Variants in EEA1 observed in about 807,000 individuals in gnomAD.
EEA1 encodes early endosome antigen 1, also known as early endosome antigen 1, 162kD.
In EEA1, 111 loss-of-function variants were observed where a neutral mutation model predicts 209.2. That is an observed-to-expected ratio of 0.53 (90% CI 0.45 to 0.62). The LOEUF is 0.62. Among genes scored for constraint, EEA1 ranks in the 20% least tolerant of loss-of-function variants. The pLI is 0.00. For synonymous variants in EEA1, 536 were observed against 540.6 expected (o/e 0.99, Z 0.12); for missense variants, 1,343 against 1,530.8 (o/e 0.88, Z 2.05).
chr12:92,865,827 A>G (rs1242675076), intron 2 of EEA1, among the ~76,000 whole-genome samples: 4 of 151,100 alleles, frequency 2.6e-5, no homozygotes, highest in Admixed American at 2.6e-4. Context: ...CTCACTGCAA[A>G]CCTCCACCTC....
chr12:92,777,949 T>C lies in EEA1; in HGVS notation c.3885A>G (p.Leu1295=), dbSNP rs199618536. Residue 1295 remains leucine (L), a synonymous_variant, in exon 26 of 29, where the codon CTA becomes CTG. Coordinates refer to ENST00000322349, the MANE Select transcript of EEA1 (RefSeq NM_003566.4). Reference sequence around the variant, plus strand: ...TACTAGATATCAATCACCTTTCCAGTAGTGCTCTCCTTTCATCTTGATTAT... The same window carrying C: ...TACTAGATATCAATCACCTTTCCAGCAGTGCTCTCCTTTCATCTTGATTAT... ...VQNNQDERRA[L]LERCLKGEGE... 1 of 1,611,938 alleles carries C rather than the reference T, an allele frequency of 6.2e-7. No individual in the cohort carries two copies. Among genetic ancestry groups the C allele is most frequent in the Non-Finnish European group, 8.5e-7 (1 of 1,178,348 alleles).
At chr12:92,820,457 T>A (rs1721238152) in intron 13 of EEA1, among the ~76,000 whole-genome samples, 1 of 152,104 alleles carries the variant, frequency 6.6e-6, no homozygotes, top group Admixed American at 6.6e-5. Flanking sequence ...CCTCTCTGCC[T>A]CTCAGTCTCT....
intron 2 of EEA1, among the ~76,000 whole-genome samples, chr12:92,873,812 T>G (rs912550216): frequency 5.3e-5 from 8 of 152,210 alleles, no homozygotes; most frequent in African/African-American, 1.9e-4. Context: ...TGCAATGCAT[T>G]TATCATTGTA....
intron 2 of EEA1, among the ~76,000 whole-genome samples, chr12:92,875,056 T>C (rs944392721): frequency 6.6e-6 from 1 of 152,204 alleles, no homozygotes; most frequent in Non-Finnish European, 1.5e-5. Flanking sequence ...GTGATTACTA[T>C]GTTCTAGCTG....
chr12:92,820,646 C>T (rs55829050), intron 13 of EEA1, among the ~76,000 whole-genome samples: 3 of 152,022 alleles, frequency 2.0e-5, no homozygotes, highest in South Asian at 4.2e-4. Flanking sequence ...CTAATGCATG[C>T]GGGGCTTAAA....
intron 1 of EEA1, among the ~76,000 whole-genome samples, chr12:92,902,638 C>T (rs371076139): frequency 1.3e-5 from 2 of 150,792 alleles, no homozygotes; most frequent in Middle Eastern, 3.4e-3. Context: ...CTACTCAGGA[C>T]GCTGAGGCAG....
intron 2 of EEA1, among the ~76,000 whole-genome samples, chr12:92,869,790 G>GAAAAAAAA (rs1230847458): frequency 3.9e-4 from 27 of 69,044 alleles, no homozygotes; most frequent in African/African-American, 4.6e-4. Flanking sequence ...AAAAAAAAAG[G>GAAAAAAAA]AAAGCCCTTA....
chr12:92,804,465 G>A (rs370224096), intron 18 of EEA1, among the ~76,000 whole-genome samples: 4 of 151,220 alleles, frequency 2.6e-5, no homozygotes, highest in African/African-American at 9.7e-5. Flanking sequence ...CCAGCTACTC[G>A]TGAGGCTGAA....
At chr12:92,913,573 C>G (rs560851685) in intron 1 of EEA1, among the ~76,000 whole-genome samples, 26 of 152,182 alleles carry the variant, frequency 1.7e-4, no homozygotes, top group African/African-American at 6.3e-4. Context: ...CTTTTGAGGT[C>G]TCAGTCATAA....
intron 1 of EEA1, among the ~76,000 whole-genome samples, chr12:92,923,487 G>C (rs1006906702): frequency 6.6e-6 from 1 of 152,090 alleles, no homozygotes; most frequent in African/African-American, 2.4e-5. Context: ...ACTATATCAT[G>C]CTCTTGGATT....
In EEA1 at chr12:92,772,648, C is replaced by T. The variant is rs1873480615; in HGVS notation, c.*3363G>A. On this transcript the variant is annotated 3_prime_UTR_variant, in exon 29 of 29. Coordinates refer to ENST00000322349, the MANE Select transcript of EEA1 (RefSeq NM_003566.4). ...TATCAGTTACATTTATAATTAATAA[C>T]CTTCCAATCACTGAGTTTAGAAATT... The T allele has an allele frequency of 3.9e-5, 6 of 152,212 alleles. No homozygotes were observed. 9.4% of individuals were successfully genotyped at this position (152,212 alleles called of 1,614,324 possible).
intron 2 of EEA1, among the ~76,000 whole-genome samples, chr12:92,886,756 TG>T (rs1451674294): frequency 6.6e-6 from 1 of 151,864 alleles, no homozygotes; most frequent in Middle Eastern, 3.2e-3. Flanking sequence ...CCCAACACTT[TG>T]GGAGGCCGAA....
At chr12:92,862,238 G>T (rs994564048) in intron 3 of EEA1, among the ~76,000 whole-genome samples, 1 of 146,066 alleles carries the variant, frequency 6.8e-6, no homozygotes, top group African/African-American at 2.5e-5. Flanking sequence ...AGTAACTTCC[G>T]TAAGCAATGA....
At chr12:92,927,918 T>A (rs1185661700) in intron 1 of EEA1, among the ~76,000 whole-genome samples, 1 of 152,234 alleles carries the variant, frequency 6.6e-6, no homozygotes, top group Non-Finnish European at 1.5e-5. Flanking sequence ...AAGTTTCACA[T>A]GACTTCATTC....
chr12:92,822,155 C>G (rs1424295999), intron 13 of EEA1, among the ~76,000 whole-genome samples: 1 of 151,884 alleles, frequency 6.6e-6, no homozygotes, highest in East Asian at 1.9e-4. Flanking sequence ...CTTAACAATA[C>G]CTTATTCCCT....
chr12:92,813,797 AAGGT>A (rs1875648968), intron 15 of EEA1, among the ~76,000 whole-genome samples: 1 of 152,102 alleles, frequency 6.6e-6, no homozygotes, highest in African/African-American at 2.4e-5. Flanking sequence ...GGCAGATCAC[AAGGT>A]CAAGCGATCG....
intron 1 of EEA1, among the ~76,000 whole-genome samples, chr12:92,896,767 A>G (rs1879902353): frequency 6.6e-6 from 1 of 151,614 alleles, no homozygotes. Flanking sequence ...CACCACTGAA[A>G]GAAAAGAAAA....
intron 15 of EEA1, among the ~76,000 whole-genome samples, chr12:92,815,345 A>G (rs1013423049): frequency 6.6e-6 from 1 of 152,152 alleles, no homozygotes; most frequent in African/African-American, 2.4e-5. Flanking sequence ...GTTCATTCAC[A>G]TTGTCACTAG....
chr12:92,835,693 G>A (rs1876900050), intron 10 of EEA1, among the ~76,000 whole-genome samples: 1 of 151,896 alleles, frequency 6.6e-6, no homozygotes, highest in Non-Finnish European at 1.5e-5. Context: ...TTACAGACAT[G>A]AGCCACCGCG....
Sources: allele counts gnomAD v4.1 joint callset (sites outside exome capture counted in the v4.1 genomes callset), GRCh38; gene constraint gnomAD v4.1.1; transcripts MANE v1.5; gene names NCBI Gene and HGNC (gene_info 2026-07-23, HGNC 2026-07-21).